The following LRRTM4 variants were observed in gnomAD, a reference collection of about 807,000 sequenced individuals.
The protein encoded by LRRTM4 is leucine rich repeat transmembrane neuronal 4.
In LRRTM4, 25 loss-of-function variants were observed where a neutral mutation model predicts 47.6. The observed-to-expected ratio is 0.53, with a 90% CI of 0.38 to 0.73. LRRTM4 has a LOEUF of 0.73. Among genes scored for constraint, LRRTM4 ranks in the 30% least tolerant of loss-of-function variants. LRRTM4 has a pLI of 0.00. For synonymous variants in LRRTM4, 311 were observed against 269.5 expected, an observed-to-expected ratio of 1.15 and a Z score of -1.51; for missense variants, 638 against 713.4, an observed-to-expected ratio of 0.89 and a Z score of 1.20.
At chr2:77,286,174 TCTTG>T (rs1351095011) in intron 3 of LRRTM4, among the ~76,000 whole-genome samples, 2 of 152,070 alleles carry the variant, frequency 1.3e-5, no homozygotes, top group Non-Finnish European at 2.9e-5. Context: ...GTTGCCTCAA[TCTTG>T]CTTCCATCAT....
chr2:76,993,789 A>G (rs1241851750), intron 3 of LRRTM4, among the ~76,000 whole-genome samples: 2 of 151,970 alleles, frequency 1.3e-5, no homozygotes, highest in Admixed American at 6.6e-5. Flanking sequence ...GTTCTACCAA[A>G]AAGACACACG....
intron 3 of LRRTM4, among the ~76,000 whole-genome samples, chr2:77,494,907 C>A (rs1678303986): frequency 6.6e-6 from 1 of 152,046 alleles, no homozygotes; most frequent in Non-Finnish European, 1.5e-5. Flanking sequence ...ACAGAAAATA[C>A]TCTGTTTTGA....
chr2:76,792,550 C>A (rs780780956), intron 3 of LRRTM4, among the ~76,000 whole-genome samples: 3 of 150,886 alleles, frequency 2.0e-5, no homozygotes, highest in African/African-American at 5.0e-5. Context: ...ACTGATGGCA[C>A]AAGGTAAGTT....
intron 3 of LRRTM4, among the ~76,000 whole-genome samples, chr2:77,498,474 TA>T (rs1284665374): frequency 1.3e-5 from 2 of 151,750 alleles, no homozygotes; most frequent in Non-Finnish European, 2.9e-5. Context: ...ATCCCATCGT[TA>T]AACTGAGTTC....
intron 3 of LRRTM4, among the ~76,000 whole-genome samples, chr2:77,166,828 T>C (rs12172906): frequency 0.071 from 10,842 of 152,126 alleles, 597 homozygotes; most frequent in East Asian, 0.22. Flanking sequence ...AAGACTTAAA[T>C]GTTACACCTA....
chr2:77,339,217 A>G (rs1671278557), intron 3 of LRRTM4, among the ~76,000 whole-genome samples: 1 of 152,034 alleles, frequency 6.6e-6, no homozygotes, highest in African/African-American at 2.4e-5. Context: ...TACTCAAGTA[A>G]CAAACCTGCA....
At chr2:77,320,549 T>A (rs1249140989) in intron 3 of LRRTM4, among the ~76,000 whole-genome samples, 1 of 152,168 alleles carries the variant, frequency 6.6e-6, no homozygotes, top group Non-Finnish European at 1.5e-5. Context: ...AAGGACTCAA[T>A]GTGGCTGACC....
At chr2:77,005,911 CAT>C (rs1208792229) in intron 3 of LRRTM4, among the ~76,000 whole-genome samples, 1 of 152,092 alleles carries the variant, frequency 6.6e-6, no homozygotes, top group African/African-American at 2.4e-5. Flanking sequence ...TGTGTTAGTG[CAT>C]AGATACTATT....
intron 3 of LRRTM4, among the ~76,000 whole-genome samples, chr2:76,954,159 A>G (rs1675592752): frequency 1.3e-5 from 2 of 151,908 alleles, no homozygotes; most frequent in African/African-American, 2.4e-5. Flanking sequence ...TCCCCACACA[A>G]TGTTACACGG....
chr2:77,234,411 A>G (rs1238736959), intron 3 of LRRTM4, among the ~76,000 whole-genome samples: 1 of 152,198 alleles, frequency 6.6e-6, no homozygotes, highest in Non-Finnish European at 1.5e-5. Context: ...ATCTGTGACT[A>G]CAGTTTGGAT....
intron 3 of LRRTM4, among the ~76,000 whole-genome samples, chr2:77,498,752 T>G (rs1283666279): frequency 6.6e-6 from 1 of 151,770 alleles, no homozygotes; most frequent in Non-Finnish European, 1.5e-5. Context: ...AACTAACTAT[T>G]TTTCCCATCC....
At chr2:76,910,872 G>A (rs1289162684) in intron 3 of LRRTM4, among the ~76,000 whole-genome samples, 2 of 152,016 alleles carry the variant, frequency 1.3e-5, no homozygotes, top group Non-Finnish European at 2.9e-5. Flanking sequence ...GACCATTCTT[G>A]TGCATTCTGC....
intron 3 of LRRTM4, among the ~76,000 whole-genome samples, chr2:76,780,760 G>GTCGAAGTCTTCTTCTCTCAGCTTA (rs1558648075): frequency 6.6e-6 from 1 of 152,128 alleles, no homozygotes. Context: ...CTCTCAGCTT[G>GTCGAAGTCTTCTTCTCTCAGCTTA]TCAAAGTCAT....
At chr2:77,132,848 G>A (rs1406984282) in intron 3 of LRRTM4, among the ~76,000 whole-genome samples, 1 of 152,110 alleles carries the variant, frequency 6.6e-6, no homozygotes, top group Non-Finnish European at 1.5e-5. Context: ...TAGTTTTAAG[G>A]AAAATAAGAG....
At chr2:76,797,381 T>G (rs11678488) in intron 3 of LRRTM4, among the ~76,000 whole-genome samples, 3,136 of 151,850 alleles carry the variant, frequency 0.021, 55 homozygotes, top group Non-Finnish European at 0.031. Flanking sequence ...CATAAGCGAA[T>G]GAGAAATGAA....
intron 3 of LRRTM4, among the ~76,000 whole-genome samples, chr2:76,844,362 C>G (rs1671778167): frequency 6.6e-6 from 1 of 152,108 alleles, no homozygotes; most frequent in East Asian, 1.9e-4. Flanking sequence ...GTCTCAATCT[C>G]CTGACCTTGT....
At chr2:76,995,234 C>T (rs1040953899) in intron 3 of LRRTM4, among the ~76,000 whole-genome samples, 2 of 152,114 alleles carry the variant, frequency 1.3e-5, no homozygotes, top group East Asian at 3.9e-4. Flanking sequence ...ATTAAGTTTA[C>T]ACATATTTTA....
chr2:77,203,496 G>A (rs12621294), intron 3 of LRRTM4, among the ~76,000 whole-genome samples: 9,322 of 152,080 alleles, frequency 0.061, 474 homozygotes, highest in East Asian at 0.32. Context: ...GTTGGAATTT[G>A]GCAGTAGGGC....
chr2:76,858,800 G>A (rs567843111), intron 3 of LRRTM4, among the ~76,000 whole-genome samples: 5 of 152,158 alleles, frequency 3.3e-5, no homozygotes, highest in African/African-American at 1.2e-4. Context: ...AATATTTCTT[G>A]TATTATTTTG....
Sources: gnomAD v4.1 joint callset for allele counts (sites outside exome capture counted in the v4.1 genomes callset) on GRCh38, gnomAD v4.1.1 for gene constraint, MANE v1.5 for transcripts, NCBI Gene and HGNC (gene_info 2026-07-23, HGNC 2026-07-21) for gene names.